The following SDK1 variants were observed in gnomAD, a reference collection of about 807,000 sequenced individuals.
The protein encoded by SDK1 is sidekick cell adhesion molecule 1, also known as protein sidekick-1.
Under a neutral mutation model 245.5 loss-of-function variants are expected in SDK1, and 157 were observed. The ratio of observed to expected loss-of-function variants is 0.64; its 90% CI spans 0.56 to 0.73. The LOEUF (loss-of-function observed/expected upper bound fraction) is 0.73. Among genes scored for constraint, SDK1 ranks in the 30% least tolerant of loss-of-function variants. The pLI, the probability that SDK1 is intolerant of heterozygous loss-of-function variation, is 0.00. For synonymous variants in SDK1, 1,647 were observed against 1,278.5 expected (o/e 1.29, Z -6.15); for missense variants, 3,583 against 3,002.3 (o/e 1.19, Z -4.52).
At chr7:3,417,413 G>A (rs1407547657) in intron 1 of SDK1, among the ~76,000 whole-genome samples, 1 of 152,082 alleles carries the variant, frequency 6.6e-6, no homozygotes, top group Non-Finnish European at 1.5e-5. Flanking sequence ...TCAGCCATGT[G>A]TCCTTTGCCT....
At chr7:4,168,099 T>G (rs1173762298) in intron 32 of SDK1, among the ~76,000 whole-genome samples, 2 of 152,216 alleles carry the variant, frequency 1.3e-5, no homozygotes, top group Non-Finnish European at 2.9e-5. Flanking sequence ...CGGGCATCTC[T>G]GTGAAGCCAC....
At chr7:3,624,996 G>A (rs1420610486) in intron 2 of SDK1, among the ~76,000 whole-genome samples, 1 of 152,114 alleles carries the variant, frequency 6.6e-6, no homozygotes, top group Non-Finnish European at 1.5e-5. Flanking sequence ...CCAAGATCAT[G>A]CCATTGCACT....
chr7:3,699,284 CACA>C (rs1784672634), intron 4 of SDK1, among the ~76,000 whole-genome samples: 2 of 152,062 alleles, frequency 1.3e-5, no homozygotes, highest in South Asian at 4.2e-4. Flanking sequence ...AAGAAACACC[CACA>C]ACAAGATGAT....
At chr7:3,542,504 G>A (rs567648018) in intron 1 of SDK1, among the ~76,000 whole-genome samples, 3 of 152,286 alleles carry the variant, frequency 2.0e-5, no homozygotes, top group South Asian at 2.1e-4. Flanking sequence ...GGGAGACATC[G>A]TTGTGTGCCA....
Position 3,527,668 on chromosome 7 carries a change from C to T in SDK1, c.299-91412C>T, listed in dbSNP as rs548682985. Among the ~76,000 whole-genome samples, 16 of 111,002 alleles carry T rather than the reference C, an allele frequency of 1.4e-4. No homozygotes were observed. In the South Asian group the frequency reaches 3.0e-3, roughly 21 times the overall value. 72.8% of individuals were successfully genotyped at this position (111,002 alleles called of 152,430 possible). A position where few individuals can be genotyped will look rare whatever the true frequency, so the allele number is the denominator to read the frequency against. The stretch of plus-strand genomic sequence containing the variant: ...TGGGAGGTGAGGTTGGAGGGATAGC[C>T]GGTTAGCAGGTGAGTGGTGGGAGGT... On this transcript the variant is annotated intron_variant, in intron 1 of 44. Transcript: ENST00000404826.
In SDK1 at chr7:4,120,285, G is replaced by A. The variant is rs140370455; in HGVS notation, c.3823+6011G>A. The stretch of plus-strand genomic sequence containing the variant: ...ACAAGACTGAAGAAACACCAATCCC[G>A]AGTGGAGTAAATAAAACTGAATTCA... On this transcript the variant is annotated intron_variant, in intron 25 of 44. Coordinates refer to ENST00000404826, the MANE Select transcript of SDK1 (RefSeq NM_152744.4). Among the ~76,000 whole-genome samples the A allele has an allele frequency of 1.1e-4, 17 of 149,134 alleles. 2 individuals carry two copies. The East Asian group carries it at 1.4e-3, about 12-fold the overall frequency.
intron 1 of SDK1, among the ~76,000 whole-genome samples, chr7:3,426,431 C>G (rs188144268): frequency 6.6e-6 from 1 of 152,136 alleles, no homozygotes; most frequent in Non-Finnish European, 1.5e-5. Context: ...GCTGTGCCAC[C>G]CTAGGCAAGT....
chr7:3,643,573 C>A (rs1195854746), intron 4 of SDK1: 1 of 150,722 alleles, frequency 6.6e-6, no homozygotes, highest in Non-Finnish European at 1.5e-5. Context: ...AGTCCCTTCC[C>A]TAAACCTGGT....
At chr7:3,569,369 C>T (rs537037054) in intron 1 of SDK1, among the ~76,000 whole-genome samples, 2 of 152,344 alleles carry the variant, frequency 1.3e-5, no homozygotes, top group African/African-American at 4.8e-5. Flanking sequence ...GAATCCCAGT[C>T]AGTCACCTGG....
At chr7:3,434,597 G>C (rs1288886979) in intron 1 of SDK1, among the ~76,000 whole-genome samples, 1 of 152,314 alleles carries the variant, frequency 6.6e-6, no homozygotes, top group African/African-American at 2.4e-5. Context: ...GCTCAAAGAT[G>C]TTAAGTAGCT....
Position 3,827,429 on chromosome 7 carries a change from G to A in SDK1, c.847+5846G>A, listed in dbSNP as rs1779804937. ...GAATCTTTAACATGGGCAATTATCT[G>A]AGGGTGTAAATGCCCAGGTGCCAAC... On this transcript the variant is annotated intron_variant, in intron 5 of 44. Coordinates refer to ENST00000404826, the MANE Select transcript of SDK1 (RefSeq NM_152744.4). Among the ~76,000 whole-genome samples, 4 of 152,326 alleles carry A rather than the reference G, an allele frequency of 2.6e-5. No individual in the cohort carries two copies. The South Asian group carries it at 8.3e-4, about 32-fold the overall frequency.
intron 5 of SDK1, among the ~76,000 whole-genome samples, chr7:3,863,006 A>C (rs1780733475): frequency 6.6e-6 from 1 of 152,186 alleles, no homozygotes. Flanking sequence ...ACTCACCAGC[A>C]GCTCGCCTCC....
chr7:4,094,918 A>T (rs1254214829), intron 22 of SDK1, among the ~76,000 whole-genome samples: 15 of 152,182 alleles, frequency 9.9e-5, no homozygotes, highest in African/African-American at 3.6e-4. Context: ...TAAAGCAGGA[A>T]CCCACAGGTT....
At chr7:3,585,183 ACT>A (rs1181647432) in intron 1 of SDK1, among the ~76,000 whole-genome samples, 4 of 152,292 alleles carry the variant, frequency 2.6e-5, no homozygotes, top group African/African-American at 7.2e-5. Flanking sequence ...GCAAAGATAG[ACT>A]CTGACTGAGT....
At chr7:3,826,558 C>A (rs996258284) in intron 5 of SDK1, among the ~76,000 whole-genome samples, 12 of 152,276 alleles carry the variant, frequency 7.9e-5, no homozygotes, top group African/African-American at 2.9e-4. Flanking sequence ...GAAATGCCGT[C>A]GTCTTCAGTT....
At chr7:4,025,977 C>CGA (rs1787311580) in intron 17 of SDK1, among the ~76,000 whole-genome samples, 1 of 152,226 alleles carries the variant, frequency 6.6e-6, no homozygotes, top group Admixed American at 6.5e-5. Context: ...TCCTCCCCCT[C>CGA]CCCTGCTGGA....
At chr7:3,878,727 A>C (rs1383009756) in intron 5 of SDK1, among the ~76,000 whole-genome samples, 1 of 152,104 alleles carries the variant, frequency 6.6e-6, no homozygotes, top group Non-Finnish European at 1.5e-5. Context: ...TGTTTCTGTT[A>C]TCTCTTTTCT....
chr7:3,481,869 A>G (rs941747703), intron 1 of SDK1, among the ~76,000 whole-genome samples: 7 of 152,376 alleles, frequency 4.6e-5, no homozygotes, highest in African/African-American at 1.7e-4. Flanking sequence ...TGTTGATTGC[A>G]CAGTCTGTTT....
At chr7:3,722,565 A>G (rs1290127478) in intron 4 of SDK1, among the ~76,000 whole-genome samples, 1 of 152,040 alleles carries the variant, frequency 6.6e-6, no homozygotes, top group East Asian at 1.9e-4. Flanking sequence ...GAGGTCCAGG[A>G]GCTCCTTAGG....
Sources: allele counts gnomAD v4.1 joint callset (sites outside exome capture counted in the v4.1 genomes callset), GRCh38; gene constraint gnomAD v4.1.1; transcripts MANE v1.5; gene names NCBI Gene and HGNC (gene_info 2026-07-23, HGNC 2026-07-21).